Variants in ATP10B observed in about 807,000 individuals in gnomAD.
ATP10B encodes the protein ATPase phospholipid transporting 10B (putative).
ATP10B carries 122 observed loss-of-function variants against 141.2 expected under a neutral mutation model. That is an observed-to-expected ratio of 0.86 (90% CI 0.75 to 1.00). ATP10B has a LOEUF of 1.00. ATP10B is among the 50% of genes least tolerant of loss of function. The pLI is 0.00. For missense variants in ATP10B, 1,876 were observed against 1,825.3 expected, an observed-to-expected ratio of 1.03 and a Z score of -0.51; for synonymous variants, 685 against 692.0, an observed-to-expected ratio of 0.99 and a Z score of 0.16.
At chr5:160,897,174 T>C in the ATP10B span, among the ~76,000 whole-genome samples, 19 of 152,162 alleles carry the variant, frequency 1.2e-4, no homozygotes, top group African/African-American at 4.1e-4. Context: ...TTCAACATAG[T>C]ATTAGAAGTT....
chr5:160,768,268 C>T (rs1769629570), intron 2 of ATP10B, among the ~76,000 whole-genome samples: 1 of 152,150 alleles, frequency 6.6e-6, no homozygotes, highest in South Asian at 2.1e-4. Context: ...AGTCACGTGG[C>T]ATCCTCACAA....
At chr5:160,653,060 ATATT>A (rs1361643363) in intron 7 of ATP10B, among the ~76,000 whole-genome samples, 133 of 117,682 alleles carry the variant, frequency 1.1e-3, no homozygotes, top group African/African-American at 2.9e-3. Flanking sequence ...AATTATGTAT[ATATT>A]TATGTATATA....
At chr5:160,609,528 G>A (rs993413589) in intron 18 of ATP10B, among the ~76,000 whole-genome samples, 7 of 151,890 alleles carry the variant, frequency 4.6e-5, no homozygotes, top group Middle Eastern at 3.2e-3. Context: ...ACCAGCATGC[G>A]CCACCACACC....
chr5:160,855,461 G>A (rs1753971768), upstream of ATP10B, among the ~76,000 whole-genome samples: 1 of 150,202 alleles, frequency 6.7e-6, no homozygotes, highest in Non-Finnish European at 1.5e-5. Flanking sequence ...TTTTGCTTAT[G>A]TTTTAATTAA....
the ATP10B span, among the ~76,000 whole-genome samples, chr5:160,864,742 G>A: frequency 6.6e-6 from 1 of 151,868 alleles, no homozygotes; most frequent in Non-Finnish European, 1.5e-5. Context: ...TACAAAATCA[G>A]TTTACACAAA....
At chr5:160,815,677 A>C (rs569047068) in intron 1 of ATP10B, among the ~76,000 whole-genome samples, 1 of 152,348 alleles carries the variant, frequency 6.6e-6, no homozygotes, top group East Asian at 1.9e-4. Context: ...ATAGACATCT[A>C]CAGAACTCTC....
At chr5:160,901,707 T>C in the ATP10B span, among the ~76,000 whole-genome samples, 1 of 152,208 alleles carries the variant, frequency 6.6e-6, no homozygotes, top group South Asian at 2.1e-4. Context: ...GATGGTTGAA[T>C]AGGGAGTACA....
chr5:160,565,852 T>C lies in ATP10B; in HGVS notation c.3987A>G (p.Ser1329=). Residue 1329 remains serine (S), a synonymous_variant, in exon 26 of 26, where the codon TCA becomes TCG. Transcript: ENST00000327245. ...LQGTCGKSLI[S]KAQKIDKLPP... ...GGAGTTTGTCAATTTTCTGAGCTTTTGAGATTAGAGACTTCCCACAAGTTC... is the reference window on the plus strand; with the variant it reads ...GGAGTTTGTCAATTTTCTGAGCTTTCGAGATTAGAGACTTCCCACAAGTTC... 6.2e-7 allele frequency: 1 copy of C among 1,613,890 alleles called. No homozygotes were observed. The highest frequency in any genetic ancestry group is 8.5e-7 in the Non-Finnish European group (1 of 1,179,918).
At chr5:160,734,963 T>C (rs2127799307) in intron 2 of ATP10B, among the ~76,000 whole-genome samples, 1 of 151,910 alleles carries the variant, frequency 6.6e-6, no homozygotes, top group South Asian at 2.1e-4. Context: ...TTTGTAAGCC[T>C]CATAGTAACC....
intron 16 of ATP10B, 73 bp from the exon 17 acceptor site, chr5:160,616,037 G>C (rs1757976948): frequency 4.6e-6 from 7 of 1,530,308 alleles, no homozygotes; most frequent in Non-Finnish European, 6.2e-6. Flanking sequence ...CTTCCCACCT[G>C]CTGGGTCTCC....
the ATP10B span, among the ~76,000 whole-genome samples, chr5:160,920,308 TA>T: frequency 1.3e-5 from 2 of 152,298 alleles, no homozygotes; most frequent in East Asian, 1.9e-4. Context: ...AATTGCTGGA[TA>T]AAAAAGGGCT....
chr5:160,662,981 T>C (rs1762047226), intron 7 of ATP10B, among the ~76,000 whole-genome samples: 4 of 152,262 alleles, frequency 2.6e-5, no homozygotes, highest in Admixed American at 2.6e-4. Context: ...GAGCGAAGGA[T>C]ATGAACAGAC....
At chr5:160,615,163 C>A (rs1757926440) in intron 17 of ATP10B, among the ~76,000 whole-genome samples, 1 of 152,176 alleles carries the variant, frequency 6.6e-6, no homozygotes, top group Admixed American at 6.5e-5. Flanking sequence ...CCTTTAGCAG[C>A]TGATTGACAT....
chr5:160,756,229 GTAATTC>G (rs1037599557), intron 2 of ATP10B, among the ~76,000 whole-genome samples: 2 of 151,870 alleles, frequency 1.3e-5, no homozygotes, highest in Non-Finnish European at 2.9e-5. Context: ...TGTTGCATAT[GTAATTC>G]TTTCCTTCTT....
chr5:160,916,511 C>T, the ATP10B span, among the ~76,000 whole-genome samples: 28 of 152,198 alleles, frequency 1.8e-4, no homozygotes, highest in Non-Finnish European at 3.5e-4. Context: ...GCAATGAAAT[C>T]ACAACTGCCA....
At chr5:160,868,708 G>A in the ATP10B span, among the ~76,000 whole-genome samples, 5 of 152,054 alleles carry the variant, frequency 3.3e-5, no homozygotes, top group African/African-American at 1.2e-4. Flanking sequence ...TCTAAGACTT[G>A]CAGACTGGTG....
chr5:160,778,894 C>A (rs1231078914), intron 2 of ATP10B, among the ~76,000 whole-genome samples: 1 of 152,068 alleles, frequency 6.6e-6, no homozygotes, highest in Non-Finnish European at 1.5e-5. Context: ...GCTGTGCTAC[C>A]CTGAGTGAGT....
At chr5:160,878,043 A>G in the ATP10B span, among the ~76,000 whole-genome samples, 2 of 151,998 alleles carry the variant, frequency 1.3e-5, no homozygotes, top group Admixed American at 1.3e-4. Flanking sequence ...TTTAAAGTTC[A>G]TATGGAACCA....
the ATP10B span, among the ~76,000 whole-genome samples, chr5:160,928,331 CTGAGAGGAAA>C: frequency 6.6e-5 from 10 of 152,140 alleles, no homozygotes; most frequent in Non-Finnish European, 1.5e-4. Flanking sequence ...CCATTGAGGT[CTGAGAGGAAA>C]CCAAGCTTTG....
Sources: allele counts gnomAD v4.1 joint callset (sites outside exome capture counted in the v4.1 genomes callset), GRCh38; gene constraint gnomAD v4.1.1; transcripts MANE v1.5; gene names NCBI Gene and HGNC (gene_info 2026-07-23, HGNC 2026-07-21).